The following ASTN1 variants were observed in gnomAD, a reference collection of about 807,000 sequenced individuals.
The protein encoded by ASTN1 is astrotactin 1.
ASTN1 carries 41 observed loss-of-function variants against 140.7 expected under a neutral mutation model. That is an observed-to-expected ratio of 0.29 (90% CI 0.23 to 0.38). The LOEUF (loss-of-function observed/expected upper bound fraction) is 0.38, where lower values mean the gene tolerates loss of function less well. Among genes scored for constraint, ASTN1 ranks in the 10% least tolerant of loss-of-function variants. ASTN1 has a pLI of 1.00. For missense variants in ASTN1, 1,479 were observed against 1,678.8 expected, an observed-to-expected ratio of 0.88 and a Z score of 2.08; for synonymous variants, 640 against 652.2, an observed-to-expected ratio of 0.98 and a Z score of 0.29.
intron 1 of ASTN1, among the ~76,000 whole-genome samples, chr1:177,111,696 G>C (rs530404876): frequency 2.0e-5 from 3 of 152,132 alleles, no homozygotes; most frequent in Admixed American, 2.0e-4. Flanking sequence ...TGGTACGAGA[G>C]TTTAAGTGCA....
chr1:177,093,191 C>A (rs188690705), intron 1 of ASTN1, among the ~76,000 whole-genome samples: 60 of 152,258 alleles, frequency 3.9e-4, no homozygotes, highest in African/African-American at 1.3e-3. Flanking sequence ...AACTAGCATC[C>A]CTTTCACATT....
intron 1 of ASTN1, among the ~76,000 whole-genome samples, chr1:177,108,425 G>A (rs1400780770): frequency 6.6e-6 from 1 of 151,540 alleles, no homozygotes; most frequent in Non-Finnish European, 1.5e-5. Flanking sequence ...GACTACTCTA[G>A]GTACCTCATA....
At chr1:177,043,193 G>A (rs1432701296) in intron 2 of ASTN1, among the ~76,000 whole-genome samples, 2 of 152,196 alleles carry the variant, frequency 1.3e-5, no homozygotes, top group Non-Finnish European at 2.9e-5. Context: ...TGGCACTAAT[G>A]CACACAGACT....
chr1:176,943,070 G>A (rs1030544646), intron 14 of ASTN1, among the ~76,000 whole-genome samples: 1 of 151,434 alleles, frequency 6.6e-6, no homozygotes, highest in Non-Finnish European at 1.5e-5. Flanking sequence ...AGAATGAATA[G>A]GGAGAAGTGT....
intron 16 of ASTN1, among the ~76,000 whole-genome samples, chr1:176,903,045 A>C (rs1447206639): frequency 6.6e-6 from 1 of 152,206 alleles, no homozygotes; most frequent in African/African-American, 2.4e-5. Context: ...TACACTTGGA[A>C]GCATTCAAGA....
chr1:177,047,526 T>C (rs1677300467), intron 2 of ASTN1, among the ~76,000 whole-genome samples: 1 of 152,148 alleles, frequency 6.6e-6, no homozygotes, highest in Non-Finnish European at 1.5e-5. Context: ...AGGACATAGT[T>C]CAAGCTGCAT....
intron 2 of ASTN1, among the ~76,000 whole-genome samples, chr1:177,034,553 T>C (rs1350393019): frequency 1.3e-5 from 2 of 151,908 alleles, no homozygotes; most frequent in African/African-American, 4.8e-5. Context: ...TCCACTCCCA[T>C]CCATCCTGGC....
chr1:177,120,368 G>T (rs1382741710), intron 1 of ASTN1, among the ~76,000 whole-genome samples: 2 of 152,174 alleles, frequency 1.3e-5, no homozygotes, highest in African/African-American at 4.8e-5. Flanking sequence ...AAGGACACCT[G>T]CTTGCCCTCT....
At chr1:176,870,240 T>G (rs1668283478) in intron 21 of ASTN1, among the ~76,000 whole-genome samples, 1 of 152,228 alleles carries the variant, frequency 6.6e-6, no homozygotes, top group East Asian at 1.9e-4. Context: ...GGATGCAGTG[T>G]TAATTCTGGG....
At chr1:176,881,031 C>T (rs972805077) in intron 20 of ASTN1, among the ~76,000 whole-genome samples, 1 of 152,214 alleles carries the variant, frequency 6.6e-6, no homozygotes, top group African/African-American at 2.4e-5. Flanking sequence ...GAACAAAAAA[C>T]CAGGCTTGCA....
rs535800471 is a variant in ASTN1, at chr1:177,112,638, A to G, written c.284-51373T>C. On this transcript the variant is annotated intron_variant, in intron 1 of 22. Transcript: ENST00000361833. ...CCAAACAGGCATCTCTTTTCTCTTC[A>G]TCTCACATCCCTAATGCCTTTGGGC... 6.1e-4 allele frequency among the ~76,000 whole-genome samples: 93 copies of G among 152,310 alleles called. 1 individual carries two copies. The highest frequency in any genetic ancestry group is 2.1e-3 in the African/African-American group (89 of 41,574).
At chr1:176,881,858 T>G (rs929635680) in intron 20 of ASTN1, among the ~76,000 whole-genome samples, 2 of 152,246 alleles carry the variant, frequency 1.3e-5, no homozygotes, top group African/African-American at 2.4e-5. Context: ...CTAGTGCTTT[T>G]CATCTCTGAA....
intron 7 of ASTN1, among the ~76,000 whole-genome samples, chr1:177,022,647 C>T (rs1675890433): frequency 6.6e-6 from 1 of 152,184 alleles, no homozygotes; most frequent in South Asian, 2.1e-4. Context: ...ACCCAGTACT[C>T]TCTCACTAAG....
At chr1:176,935,537 C>A (rs878936167) in intron 15 of ASTN1, among the ~76,000 whole-genome samples, 1 of 152,142 alleles carries the variant, frequency 6.6e-6, no homozygotes, top group Admixed American at 6.5e-5. Flanking sequence ...GTGCTATATC[C>A]TCAATGCATT....
chr1:177,127,472 C>A (rs1681710334), intron 1 of ASTN1, among the ~76,000 whole-genome samples: 1 of 152,190 alleles, frequency 6.6e-6, no homozygotes, highest in African/African-American at 2.4e-5. Flanking sequence ...TTCTCCATAA[C>A]TGAGCAGCTA....
intron 9 of ASTN1, among the ~76,000 whole-genome samples, chr1:176,964,024 G>T (rs998463118): frequency 3.9e-5 from 6 of 152,204 alleles, no homozygotes; most frequent in African/African-American, 1.4e-4. Context: ...CTAGGTAGGA[G>T]CACGCCTAAT....
chr1:177,124,212 T>C (rs996305607), intron 1 of ASTN1, among the ~76,000 whole-genome samples: 1 of 152,178 alleles, frequency 6.6e-6, no homozygotes, highest in African/African-American at 2.4e-5. Context: ...GAAATCCCAG[T>C]TAGGATCCTC....
At chr1:177,040,395 G>C (rs371591102) in intron 2 of ASTN1, among the ~76,000 whole-genome samples, 8 of 152,076 alleles carry the variant, frequency 5.3e-5, no homozygotes, top group African/African-American at 1.9e-4. Flanking sequence ...CTCTCACTGG[G>C]GCAGTTACTA....
chr1:177,012,803 T>C (rs989137532), intron 8 of ASTN1, among the ~76,000 whole-genome samples: 5 of 152,208 alleles, frequency 3.3e-5, no homozygotes, highest in African/African-American at 1.2e-4. Flanking sequence ...ATCCAGTCAC[T>C]ACAGCGAGCC....
Sources: allele counts gnomAD v4.1 joint callset (sites outside exome capture counted in the v4.1 genomes callset), GRCh38; gene constraint gnomAD v4.1.1; transcripts MANE v1.5; gene names NCBI Gene and HGNC (gene_info 2026-07-23, HGNC 2026-07-21).